RAPH1: variants seen among roughly 807,000 people sequenced by gnomAD.
RAPH1 encodes ras-associated and pleckstrin homology domains-containing protein 1.
RAPH1 carries 18 observed loss-of-function variants against 88.1 expected under a neutral mutation model. The ratio of observed to expected loss-of-function variants is 0.20; its 90% CI spans 0.14 to 0.30. The LOEUF (loss-of-function observed/expected upper bound fraction) is 0.30, where lower values mean the gene tolerates loss of function less well. Among genes scored for constraint, RAPH1 ranks in the 10% least tolerant of loss-of-function variants. RAPH1 has a pLI of 1.00. For synonymous variants in RAPH1, 587 were observed against 559.0 expected, an observed-to-expected ratio of 1.05 and a Z score of -0.71; for missense variants, 1,448 against 1,543.2, an observed-to-expected ratio of 0.94 and a Z score of 1.03.
intron 1 of RAPH1, among the ~76,000 whole-genome samples, chr2:203,523,431 A>C (rs1689983204): frequency 6.6e-6 from 1 of 151,698 alleles, no homozygotes; most frequent in Non-Finnish European, 1.5e-5. Context: ...GAGGTAGGCA[A>C]TGAGGAAAGT....
chr2:203,506,868 A>ATCTC (rs1182931835), intron 1 of RAPH1, among the ~76,000 whole-genome samples: 1 of 89,432 alleles, frequency 1.1e-5, no homozygotes, highest in Non-Finnish European at 2.1e-5. Flanking sequence ...ATATATATAT[A>ATCTC]TATATATATA....
At position 203,439,473 on chromosome 2, in the gene RAPH1, T is replaced by C. The variant is rs1559437445; in HGVS notation, c.3717A>G (p.Lys1239=). ...LRRGPPPAPP[K]RDQNTKLSRD... is the part of the protein sequence containing the mutation. ...TGGAGAGCTTGGTGTTCTGGTCTCTTTTGGGGGGAGCAGGAGGGGGTCCTC... is the reference window on the plus strand; with the variant it reads ...TGGAGAGCTTGGTGTTCTGGTCTCTCTTGGGGGGAGCAGGAGGGGGTCCTC... Residue 1239 remains lysine, a synonymous_variant, in exon 14 of 14, where the codon AAA becomes AAG. Transcript: ENST00000319170. 3.1e-6 allele frequency: 5 copies of C among 1,613,712 alleles called. No individual in the cohort carries two copies. Among genetic ancestry groups the C allele is most frequent in the Admixed American group, 1.7e-5 (1 of 59,990 alleles).
At chr2:203,444,592 A>G (rs1246073557) in intron 13 of RAPH1, 7 of 410,024 alleles carry the variant, frequency 1.7e-5, no homozygotes. Context: ...TAAAAATCTG[A>G]GCCACTGATG....
chr2:203,462,493 G>C (rs1320867092), intron 4 of RAPH1, among the ~76,000 whole-genome samples: 2 of 152,076 alleles, frequency 1.3e-5, no homozygotes, highest in Non-Finnish European at 2.9e-5. Context: ...ACAAATATAA[G>C]AAGCTGCCTT....
chr2:203,463,557 C>T (rs953777130), intron 4 of RAPH1, among the ~76,000 whole-genome samples: 1 of 152,158 alleles, frequency 6.6e-6, no homozygotes, highest in African/African-American at 2.4e-5. Context: ...GCTTGGTTGC[C>T]AGAAAGCTGA....
rs750846618 is a variant in RAPH1, at chr2:203,441,051, AG to A, written c.2138del (p.Pro713LeufsTer16). On this transcript the variant is annotated frameshift_variant, in exon 14 of 14. Transcript: ENST00000319170. LOFTEE classifies it low-confidence loss of function (END_TRUNC). Reference sequence around the variant, plus strand: ...CTGGGGTTGGGGGTGGAGGAGGGGGAGGGGGTGGTGGAACAACTCCATTGGG... The same window carrying A: ...CTGGGGTTGGGGGTGGAGGAGGGGGAGGGGTGGTGGAACAACTCCATTGGG... ...VPPNGVVPPP[P>X]PPPPPPTPGS... The A allele has an allele frequency of 6.2e-6, 2 of 323,158 alleles. No homozygotes were observed. Among genetic ancestry groups the A allele is most frequent in the Non-Finnish European group, 4.6e-6 (1 of 218,242 alleles). The allele number at this position is 323,158 out of a possible 1,614,324, so 20.0% of individuals were successfully genotyped here.
chr2:203,456,492 C>G (rs941664623), intron 8 of RAPH1, among the ~76,000 whole-genome samples: 1 of 152,068 alleles, frequency 6.6e-6, no homozygotes, highest in Non-Finnish European at 1.5e-5. Context: ...ACTCAAAATT[C>G]TAAGTTCTAA....
chr2:203,485,410 CA>C (rs71007521), intron 4 of RAPH1, among the ~76,000 whole-genome samples: 45,269 of 93,526 alleles, frequency 0.48, 7,654 homozygotes, highest in Middle Eastern at 0.62. Flanking sequence ...GACTCTGTCT[CA>C]AAAAAAAAAA....
chr2:203,461,402 T>C lies in RAPH1; in HGVS notation c.817A>G (p.Ile273Val), dbSNP rs779617008. Residue 273 changes from isoleucine (I) to valine (V), a missense_variant, in exon 6 of 14, where the codon ATC (isoleucine) becomes GTC (valine). Physicochemically the swap from Ile to Val is conservative, Grantham distance 29. Transcript: ENST00000319170. ...IKEAQVKKLV[I>V]RVHMSDDSSK... ...CTGTCATCAGACATGTGGACTCTGA[T>C]CACCAGCTATAACAGGTAAAAAGAA... The C allele has an allele frequency of 6.3e-7, 1 of 1,598,746 alleles. No homozygotes were observed. The highest frequency in any genetic ancestry group is 1.1e-5 in the South Asian group (1 of 88,112).
intron 8 of RAPH1, among the ~76,000 whole-genome samples, chr2:203,457,055 C>T (rs1478554415): frequency 6.6e-6 from 1 of 152,128 alleles, no homozygotes; most frequent in Non-Finnish European, 1.5e-5. Flanking sequence ...CTAACACGTT[C>T]ACACAGTTGA....
chr2:203,494,544 C>CA (rs1293536224), intron 2 of RAPH1, among the ~76,000 whole-genome samples: 1 of 152,116 alleles, frequency 6.6e-6, no homozygotes, highest in African/African-American at 2.4e-5. Flanking sequence ...CATGGTGGCT[C>CA]ACGCCTGTAA....
At position 203,455,571 on chromosome 2, in the gene RAPH1, A is replaced by G; in HGVS notation, c.1168T>C (p.Cys390Arg). The G allele has an allele frequency of 6.2e-7, 1 of 1,611,044 alleles. No homozygotes were observed. The highest frequency in any genetic ancestry group is 8.5e-7 in the Non-Finnish European group (1 of 1,178,938). Residue 390 changes from cysteine (C) to arginine (R), a missense_variant, in exon 9 of 14, where the codon TGT becomes CGT. Around this residue, in one of 2 missense-constraint regions of RAPH1, gnomAD observed 513 missense variants for 653.1 expected, o/e 0.79. Transcript: ENST00000319170. The stretch of plus-strand genomic sequence containing the variant: ...TCTGGTACAGTTACAGAACTTCCAC[A>G]AAAACATTCCTAAAATAACAAGATT... Reference protein sequence around the residue: ...NKEVLLEECFCGSSVTVPEIE... With the variant: ...NKEVLLEECFRGSSVTVPEIE...
chr2:203,479,105 T>C (rs1349491629), intron 4 of RAPH1, among the ~76,000 whole-genome samples: 3 of 152,286 alleles, frequency 2.0e-5, no homozygotes, highest in Non-Finnish European at 2.9e-5. Context: ...AAAATAAATA[T>C]AGACACAGAA....
intron 6 of RAPH1, 68 bp from the exon 7 acceptor site, chr2:203,460,096 TG>T (rs1175379568): frequency 4.6e-5 from 63 of 1,382,304 alleles, no homozygotes; most frequent in Non-Finnish European, 6.0e-5. Context: ...CATGAAACTT[TG>T]TGAAGTAGTT....
At chr2:203,525,103 T>C (rs1690054576) in intron 1 of RAPH1, among the ~76,000 whole-genome samples, 1 of 152,222 alleles carries the variant, frequency 6.6e-6, no homozygotes, top group South Asian at 2.1e-4. Flanking sequence ...TTCATAACCA[T>C]TTTCTTCAGA....
chr2:203,448,949 A>T lies in RAPH1; in HGVS notation c.1414-113T>A. On this transcript the variant is annotated intron_variant, in intron 10 of 13. Transcript: ENST00000319170. This position sits in a 1 kb window ranked among gnomAD's most constrained non-coding sequence, Gnocchi z 4.1. ...GTTATAGGCCATTAGAGTAATGGCCAATACATTTATGCTTCTTATATGGCC... is the reference window on the plus strand; with the variant it reads ...GTTATAGGCCATTAGAGTAATGGCCTATACATTTATGCTTCTTATATGGCC... 1.9e-6 allele frequency: 1 copy of T among 531,776 alleles called. No individual in the cohort carries two copies. Among genetic ancestry groups the T allele is most frequent in the Non-Finnish European group, 3.2e-6 (1 of 312,128 alleles). 32.9% of individuals were successfully genotyped at this position (531,776 alleles called of 1,614,324 possible).
chr2:203,500,198 G>C (rs766458268), intron 1 of RAPH1, among the ~76,000 whole-genome samples: 11 of 152,234 alleles, frequency 7.2e-5, no homozygotes, highest in Admixed American at 3.9e-4. Flanking sequence ...TGCTATAAAA[G>C]AGGTATGTTA....
intron 1 of RAPH1, among the ~76,000 whole-genome samples, chr2:203,519,201 A>G (rs1689756496): frequency 6.6e-6 from 1 of 152,198 alleles, no homozygotes; most frequent in African/African-American, 2.4e-5. Context: ...TAGGAAAAGA[A>G]AACTATAAAC....
In RAPH1 at chr2:203,461,365, A is replaced by C; in HGVS notation, c.854T>G (p.Met285Arg). 1 of 1,610,870 alleles carries C rather than the reference A, an allele frequency of 6.2e-7. No individual in the cohort carries two copies. The stretch of plus-strand genomic sequence containing the variant: ...TACTGTCTGCCTCTCATCCACCATC[A>C]TTGTTTTAGAACTGTCATCAGACAT... ...VHMSDDSSKTMMVDERQTVRQ... is the reference protein window; with the variant it reads ...VHMSDDSSKTRMVDERQTVRQ... Residue 285 changes from methionine to arginine, a missense_variant, in exon 6 of 14, where the codon ATG (methionine) becomes AGG (arginine). This residue lies in a region of RAPH1 where 513 missense variants were observed against 653.1 expected (regional missense o/e 0.79). Coordinates refer to ENST00000319170, the MANE Select transcript of RAPH1 (RefSeq NM_213589.3).
Sources: gnomAD v4.1 joint callset for allele counts (sites outside exome capture counted in the v4.1 genomes callset) on GRCh38, gnomAD v4.1.1 for gene constraint, gnomAD v4.1.1 regional missense constraint, Gnocchi (gnomAD v3.1) non-coding constraint, MANE v1.5 for transcripts, NCBI Gene and HGNC (gene_info 2026-07-23, HGNC 2026-07-21) for gene names.